Variants in SPMIP10 observed in about 807,000 individuals in gnomAD.
The protein encoded by SPMIP10 is sperm microtubule inner protein 10.
chr5:126,635,239 G>C, the SPMIP10 span, among the ~76,000 whole-genome samples: 1 of 151,004 alleles, frequency 6.6e-6, no homozygotes. Flanking sequence ...CCCAAGAACT[G>C]ACCAGAATGC....
At chr5:126,632,654 G>T in the SPMIP10 span, 45 of 1,552,394 alleles carry the variant, frequency 2.9e-5, no homozygotes, top group Non-Finnish European at 3.6e-5. Context: ...TGAATCTGAA[G>T]GTATTTCCCC....
the SPMIP10 span, among the ~76,000 whole-genome samples, chr5:126,634,820 T>C: frequency 1.3e-5 from 2 of 152,130 alleles, no homozygotes; most frequent in African/African-American, 2.4e-5. Flanking sequence ...TCCTTCCTTT[T>C]ATTTATCCTC....
At chr5:126,633,342 CA>C in the SPMIP10 span, among the ~76,000 whole-genome samples, 1 of 151,978 alleles carries the variant, frequency 6.6e-6, no homozygotes, top group Non-Finnish European at 1.5e-5. Context: ...CCTGTTCAGT[CA>C]GCAGTTTTAT....
At chr5:126,636,001 G>A in the SPMIP10 span, 162 of 1,530,562 alleles carry the variant, frequency 1.1e-4, 2 homozygotes, top group Admixed American at 1.8e-3. Flanking sequence ...GATGTTTGAT[G>A]TGATACACAG....
chr5:126,632,710 G>C, the SPMIP10 span: 1 of 1,036,084 alleles, frequency 9.7e-7, no homozygotes, highest in East Asian at 2.5e-5. Flanking sequence ...ACATTAAGCC[G>C]GATGCGGTGA....
the SPMIP10 span, among the ~76,000 whole-genome samples, chr5:126,633,024 T>TAA: frequency 1.4e-5 from 2 of 138,890 alleles, no homozygotes; most frequent in African/African-American, 6.2e-5. Flanking sequence ...TATATATATA[T>TAA]ATATATATAA....
the SPMIP10 span, chr5:126,635,890 G>A: frequency 1.4e-6 from 1 of 713,712 alleles, no homozygotes; most frequent in Non-Finnish European, 2.4e-6. Context: ...TCAAATTCCT[G>A]AGCTCAAGCA....
the SPMIP10 span, among the ~76,000 whole-genome samples, chr5:126,635,114 G>A: frequency 6.6e-6 from 1 of 151,194 alleles, no homozygotes; most frequent in East Asian, 2.0e-4. Flanking sequence ...GCTGCAGTGA[G>A]CTATGATTGC....
At chr5:126,633,008 CATAT>C in the SPMIP10 span, among the ~76,000 whole-genome samples, 47 of 125,330 alleles carry the variant, frequency 3.8e-4, 1 homozygote, top group African/African-American at 1.2e-3. Flanking sequence ...ATAAATTTTA[CATAT>C]ATATATATAT....
chr5:126,633,460 A>T, the SPMIP10 span, among the ~76,000 whole-genome samples: 2 of 152,012 alleles, frequency 1.3e-5, no homozygotes, highest in African/African-American at 4.8e-5. Flanking sequence ...GCTGAGCTCA[A>T]TTGATCCTCC....
the SPMIP10 span, among the ~76,000 whole-genome samples, chr5:126,632,870 C>A: frequency 6.6e-6 from 1 of 151,536 alleles, no homozygotes; most frequent in Non-Finnish European, 1.5e-5. Context: ...AGTTGTAATC[C>A]CAGCTACTCG....
the SPMIP10 span, among the ~76,000 whole-genome samples, chr5:126,635,296 A>G: frequency 2.0e-5 from 3 of 152,066 alleles, no homozygotes; most frequent in Non-Finnish European, 4.4e-5. Context: ...ATTTAAGTTA[A>G]TAACTTCAAA....
the SPMIP10 span, chr5:126,636,083 T>C: frequency 1.2e-6 from 2 of 1,614,140 alleles, no homozygotes; most frequent in Middle Eastern, 1.6e-4. Flanking sequence ...CTCTCTGTTT[T>C]TGAATCACAG....
the SPMIP10 span, chr5:126,636,254 A>C: frequency 1.3e-6 from 2 of 1,596,840 alleles, no homozygotes; most frequent in Non-Finnish European, 1.7e-6. Flanking sequence ...AAAGAAGAAT[A>C]AAATAATAAA....
chr5:126,632,599 G>A, the SPMIP10 span: 4 of 1,612,600 alleles, frequency 2.5e-6, no homozygotes, highest in Non-Finnish European at 3.4e-6. Flanking sequence ...ATGATCCCAA[G>A]ACGTTATGTC....
chr5:126,633,008 CATATAT>C, the SPMIP10 span, among the ~76,000 whole-genome samples: 1,090 of 125,334 alleles, frequency 8.7e-3, 40 homozygotes, highest in African/African-American at 0.039. Context: ...ATAAATTTTA[CATATAT>C]ATATATATAT....
the SPMIP10 span, among the ~76,000 whole-genome samples, chr5:126,635,849 A>T: frequency 6.6e-6 from 1 of 151,814 alleles, no homozygotes; most frequent in South Asian, 2.1e-4. Context: ...TTTTGTATAG[A>T]TGGGGTCTTG....
the SPMIP10 span, chr5:126,631,826 G>T: frequency 6.3e-7 from 1 of 1,576,784 alleles, no homozygotes; most frequent in African/African-American, 1.4e-5. Context: ...AATAAGTAAG[G>T]ATTTATGGGA....
chr5:126,633,024 T>TATATATATATATATATAAAA, the SPMIP10 span, among the ~76,000 whole-genome samples: 1 of 138,890 alleles, frequency 7.2e-6, no homozygotes, highest in African/African-American at 3.1e-5. Context: ...TATATATATA[T>TATATATATATATATATAAAA]ATATATATAA....
Sources: allele counts gnomAD v4.1 joint callset (sites outside exome capture counted in the v4.1 genomes callset), GRCh38; gene constraint gnomAD v4.1.1; transcripts MANE v1.5; gene names NCBI Gene and HGNC (gene_info 2026-07-23, HGNC 2026-07-21).